The following ACOXL variants were observed in gnomAD, a reference collection of about 807,000 sequenced individuals.
ACOXL encodes acyl-CoA oxidase like.
A neutral mutation model predicts 71.9 loss-of-function variants in ACOXL; 70 were observed. That is an observed-to-expected ratio of 0.97 (90% CI 0.80 to 1.19). ACOXL has a LOEUF of 1.19. Ranked by LOEUF, ACOXL falls within the 50% of genes most tolerant of loss-of-function variation. The probability of loss-of-function intolerance (pLI) is 0.00; values close to 1 mark genes in which losing one functional copy is unlikely to be tolerated. For missense variants in ACOXL, 703 were observed against 736.3 expected (o/e 0.95, Z 0.52); for synonymous variants, 253 against 281.6 (o/e 0.90, Z 1.02).
intron 10 of ACOXL, among the ~76,000 whole-genome samples, chr2:110,891,624 A>T (rs2149148022): frequency 6.6e-6 from 1 of 152,108 alleles, no homozygotes; most frequent in South Asian, 2.1e-4. Flanking sequence ...TGAAATTTAG[A>T]TCTTCCTCCA....
chr2:110,750,813 C>T (rs1011884812), intron 1 of ACOXL, among the ~76,000 whole-genome samples: 7 of 151,754 alleles, frequency 4.6e-5, no homozygotes, highest in Admixed American at 4.6e-4. Flanking sequence ...CCTCCCACTG[C>T]AACCTCCTGA....
intron 11 of ACOXL, among the ~76,000 whole-genome samples, chr2:110,916,712 A>G: frequency 6.6e-6 from 1 of 152,216 alleles, no homozygotes; most frequent in South Asian, 2.1e-4. Flanking sequence ...ACAGTAAAAA[A>G]TGATAAAGGG....
rs762962142 is a variant in ACOXL, at chr2:111,092,919, GAACATAAAT to G, written c.1497_1505del (p.Glu499_Tyr502delinsAsp). 1 of 1,613,978 alleles carries G rather than the reference GAACATAAAT, an allele frequency of 6.2e-7. No individual in the cohort carries two copies. The highest frequency in any genetic ancestry group is 1.6e-4 in the Middle Eastern group (1 of 6,062). On this transcript the variant is annotated inframe_deletion, in exon 17 of 18. Transcript: ENST00000439055. ...GTTTCAGGAGCGGGCCTGGTATTTA[GAACATAAAT>G]ACTTGACTCCCATGGCCAGCACGAG...
chr2:111,117,671 T>G lies in ACOXL; in HGVS notation c.1598T>G (p.Phe533Cys), dbSNP rs2070455289. Reference sequence around the variant, plus strand: ...GATGCCCGGAGGGTGATCTCGACCTTTAACATTCCACACACCTACCTCCAC... The same window carrying G: ...GATGCCCGGAGGGTGATCTCGACCTGTAACATTCCACACACCTACCTCCAC... ...KDDARRVIST[F>C]NIPHTYLHAP... Residue 533 changes from phenylalanine to cysteine, a missense_variant, in exon 18 of 18, where the codon TTT becomes TGT. Transcript: ENST00000439055. The G allele has an allele frequency of 1.9e-6, 3 of 1,551,746 alleles. No individual in the cohort carries two copies. Among genetic ancestry groups the G allele is most frequent in the Non-Finnish European group, 2.6e-6 (3 of 1,147,000 alleles).
chr2:111,025,232 G>A (rs112138571), intron 14 of ACOXL, among the ~76,000 whole-genome samples: 140 of 152,308 alleles, frequency 9.2e-4, no homozygotes, highest in African/African-American at 3.3e-3. Flanking sequence ...CATTAAGCAG[G>A]TGGTAGATGT....
Position 110,761,792 on chromosome 2 carries a change from C to T in ACOXL, c.-22-6576C>T, listed in dbSNP as rs117531851. 3.3e-5 allele frequency among the ~76,000 whole-genome samples: 5 copies of T among 152,364 alleles called. No homozygotes were observed. In the East Asian group the frequency reaches 7.7e-4, roughly 23 times the overall value. ...TTTGATGGGCTAAACCATACCTTCT[C>T]TAGTGAGATCTGTACCTGTTCCAAC... is the stretch of plus-strand genomic sequence containing the variant. On this transcript the variant is annotated intron_variant, in intron 1 of 17. Coordinates refer to ENST00000439055, the MANE Select transcript of ACOXL (RefSeq NM_001142807.4).
chr2:110,924,669 C>T (rs891406421), intron 11 of ACOXL, among the ~76,000 whole-genome samples: 1 of 152,058 alleles, frequency 6.6e-6, no homozygotes, highest in Non-Finnish European at 1.5e-5. Context: ...TTGCTGTTTC[C>T]ACCATATCTA....
chr2:110,868,982 G>A (rs1228688242), intron 10 of ACOXL, among the ~76,000 whole-genome samples: 1 of 152,174 alleles, frequency 6.6e-6, no homozygotes, highest in African/African-American at 2.4e-5. Context: ...TCATGGGGGT[G>A]ACATTGTGAC....
At chr2:110,897,531 A>G (rs1053949528) in intron 10 of ACOXL, among the ~76,000 whole-genome samples, 1 of 152,148 alleles carries the variant, frequency 6.6e-6, no homozygotes, top group African/African-American at 2.4e-5. Flanking sequence ...CACTCCTCTC[A>G]TCAATCCCTT....
intron 12 of ACOXL, among the ~76,000 whole-genome samples, chr2:110,940,111 A>G (rs954115236): frequency 3.3e-5 from 5 of 152,208 alleles, no homozygotes; most frequent in African/African-American, 9.6e-5. Flanking sequence ...AAGGAATTTT[A>G]TGAAACAGTA....
At chr2:110,750,569 A>G (rs1678796615) in intron 1 of ACOXL, among the ~76,000 whole-genome samples, 1 of 148,732 alleles carries the variant, frequency 6.7e-6, no homozygotes, top group Admixed American at 6.7e-5. Flanking sequence ...TTCCACTACT[A>G]TATATATACA....
chr2:111,095,021 G>A (rs746526452), intron 17 of ACOXL, among the ~76,000 whole-genome samples: 52 of 152,138 alleles, frequency 3.4e-4, no homozygotes, highest in Non-Finnish European at 6.9e-4. Context: ...AACTAACAGT[G>A]TTACTTCCAC....
intron 17 of ACOXL, among the ~76,000 whole-genome samples, chr2:111,110,616 G>A (rs986401258): frequency 6.6e-6 from 1 of 152,094 alleles, no homozygotes; most frequent in Non-Finnish European, 1.5e-5. Flanking sequence ...TCTCTGTTAG[G>A]CCCAGTCTTC....
At chr2:111,047,173 G>A (rs976531071) in intron 15 of ACOXL, among the ~76,000 whole-genome samples, 1 of 152,176 alleles carries the variant, frequency 6.6e-6, no homozygotes, top group African/African-American at 2.4e-5. Context: ...GGCTTGGTAT[G>A]GAAGTTGACT....
At chr2:110,991,682 C>CT (rs34224917) in intron 13 of ACOXL, among the ~76,000 whole-genome samples, 2,081 of 151,300 alleles carry the variant, frequency 0.014, 19 homozygotes, top group South Asian at 0.023. Flanking sequence ...TGTTATCTGT[C>CT]TTTTTTTTTC....
intron 11 of ACOXL, among the ~76,000 whole-genome samples, chr2:110,921,347 T>C (rs1393921893): frequency 6.7e-6 from 1 of 148,996 alleles, no homozygotes; most frequent in Non-Finnish European, 1.5e-5. Context: ...TTTAAGTTGC[T>C]CTCTCTTGCT....
At chr2:110,805,427 A>G (rs771061182) in intron 9 of ACOXL, 32 bp downstream of exon 9, 5 of 1,613,822 alleles carry the variant, frequency 3.1e-6, no homozygotes, top group Non-Finnish European at 4.2e-6. Flanking sequence ...TTAATTATCT[A>G]CTGTGAATTC....
intron 12 of ACOXL, chr2:110,967,953 TA>T: frequency 1.1e-6 from 1 of 931,038 alleles, no homozygotes; most frequent in South Asian, 1.3e-5. Flanking sequence ...AGATACAGGA[TA>T]AAAATAAATA....
chr2:110,869,192 A>G (rs560824816), intron 10 of ACOXL, among the ~76,000 whole-genome samples: 2 of 152,106 alleles, frequency 1.3e-5, no homozygotes, highest in East Asian at 1.9e-4. Flanking sequence ...CTTCTCCCCT[A>G]TTTGTGCTCT....
Sources: gnomAD v4.1 joint callset for allele counts (sites outside exome capture counted in the v4.1 genomes callset) on GRCh38, gnomAD v4.1.1 for gene constraint, MANE v1.5 for transcripts, NCBI Gene and HGNC (gene_info 2026-07-23, HGNC 2026-07-21) for gene names.